Variants in NUFIP2 observed in about 807,000 individuals in gnomAD.
NUFIP2 encodes nuclear FMR1 interacting protein 2.
A neutral mutation model predicts 56.9 loss-of-function variants in NUFIP2; 6 were observed. That is an observed-to-expected ratio of 0.11 (90% CI 0.06 to 0.21). The LOEUF is 0.21. NUFIP2 is among the 10% of genes least tolerant of loss of function. The probability of loss-of-function intolerance (pLI) is 1.00; values close to 1 mark genes in which losing one functional copy is unlikely to be tolerated. For synonymous variants in NUFIP2, 321 were observed against 298.2 expected (o/e 1.08, Z -0.79); for missense variants, 828 against 826.8 (o/e 1.00, Z -0.02).
At chr17:29,266,576 T>C (rs1185871683) in intron 3 of NUFIP2, among the ~76,000 whole-genome samples, 2 of 151,964 alleles carry the variant, frequency 1.3e-5, no homozygotes, top group African/African-American at 4.8e-5. Context: ...TCAAAATGAA[T>C]AGGATACAAT....
chr17:29,290,469 A>T (rs2069204330), intron 1 of NUFIP2, among the ~76,000 whole-genome samples: 1 of 151,684 alleles, frequency 6.6e-6, no homozygotes, highest in African/African-American at 2.4e-5. Context: ...AGTCCGGCCA[A>T]CATGGTGAAG....
intron 1 of NUFIP2, among the ~76,000 whole-genome samples, chr17:29,293,074 G>A (rs2069228075): frequency 6.6e-6 from 1 of 151,720 alleles, no homozygotes; most frequent in Non-Finnish European, 1.5e-5. Flanking sequence ...ACAGGAAGCG[G>A]CCCCGCGAGG....
intron 2 of NUFIP2, among the ~76,000 whole-genome samples, chr17:29,282,499 GACTGTGAC>G (rs1319541598): frequency 2.0e-5 from 3 of 150,130 alleles, no homozygotes; most frequent in African/African-American, 7.4e-5. Flanking sequence ...AGTGAGCCAA[GACTGTGAC>G]ACTGCACTCC....
At chr17:29,291,049 A>G (rs552279434) in intron 1 of NUFIP2, among the ~76,000 whole-genome samples, 76 of 151,878 alleles carry the variant, frequency 5.0e-4, no homozygotes, top group Non-Finnish European at 7.9e-4. Context: ...AAAAAAAAAA[A>G]AAAAGAAAAG....
chr17:29,265,611 TTTTTATTATATATTA>T (rs1438757534), intron 3 of NUFIP2, among the ~76,000 whole-genome samples: 5 of 147,446 alleles, frequency 3.4e-5, no homozygotes, highest in Admixed American at 6.8e-5. Flanking sequence ...CAGGGAACTG[TTTTTATTATATATTA>T]TTTTATTATA....
At chr17:29,292,257 T>C (rs909247647) in intron 1 of NUFIP2, among the ~76,000 whole-genome samples, 22 of 152,100 alleles carry the variant, frequency 1.4e-4, no homozygotes, top group African/African-American at 5.3e-4. Flanking sequence ...GATGAGCCAC[T>C]TGGGTTCACC....
Position 29,263,426 on chromosome 17 carries a change from C to T in NUFIP2, c.*1113G>A, listed in dbSNP as rs1007394538. On this transcript the variant is annotated 3_prime_UTR_variant, in exon 4 of 4. Transcript: ENST00000225388. ...AAGTATAGTTTGCATGAAAACACAC[C>T]TTCTACAGTCAGGGTTTATTATCTT... 10 of 152,646 alleles carry T rather than the reference C, an allele frequency of 6.6e-5. No individual in the cohort carries two copies. The highest frequency in any genetic ancestry group is 3.4e-3 in the Middle Eastern group (1 of 294). The allele number at this position is 152,646 out of a possible 1,614,324, so 9.5% of individuals were successfully genotyped here. A position where few individuals can be genotyped will look rare whatever the true frequency, so the allele number is the denominator to read the frequency against.
intron 3 of NUFIP2, among the ~76,000 whole-genome samples, chr17:29,266,631 A>C (rs1019035397): frequency 2.0e-5 from 3 of 151,916 alleles, no homozygotes; most frequent in Non-Finnish European, 2.9e-5. Context: ...TATGAATTTC[A>C]ATTCTTAGGC....
At chr17:29,268,848 T>G (rs1302614821) in intron 2 of NUFIP2, among the ~76,000 whole-genome samples, 1 of 152,174 alleles carries the variant, frequency 6.6e-6, no homozygotes, top group Non-Finnish European at 1.5e-5. Context: ...CCTCTTATTT[T>G]ATCCTTTAAG....
At position 29,286,674 on chromosome 17, in the gene NUFIP2, A is replaced by G. The variant is rs755846919; in HGVS notation, c.1320T>C (p.Ala440=). The change falls in exon 2 of 4, where the codon GCT becomes GCC. Residue 440 remains alanine (A), a synonymous_variant. Transcript: ENST00000225388. ...CAGAAGAGATGGGTGTTAGAGTATT[A>G]GCAGCAGTAGTTAGCAGTGGCTGAC... The part of the protein sequence containing the change: ...PGGQPLLTTA[A]NTLTPISSGT... 6.2e-7 allele frequency: 1 copy of G among 1,614,176 alleles called. No individual in the cohort carries two copies. The highest frequency in any genetic ancestry group is 8.5e-7 in the Non-Finnish European group (1 of 1,180,014).
At position 29,286,123 on chromosome 17, in the gene NUFIP2, T is replaced by C. The variant is rs1383754923; in HGVS notation, c.1871A>G (p.Gln624Arg). The C allele has an allele frequency of 1.2e-6, 2 of 1,614,050 alleles. No homozygotes were observed. The highest frequency in any genetic ancestry group is 1.7e-6 in the Non-Finnish European group (2 of 1,180,010). ...GTTCGTAGGAGAGGCCAGAGGATTT[T>C]GACTTTCTATCTCGTAGTCCTTTGA... ...FLSKDYEIES[Q>R]NPLASPTNTL... Residue 624 changes from glutamine to arginine, a missense_variant, in exon 2 of 4, where the codon CAA becomes CGA. By Grantham distance (43) the Gln-to-Arg change is conservative. Around this residue, in one of 3 missense-constraint regions of NUFIP2, gnomAD observed 404 missense variants for 380.3 expected, o/e 1.06. Coordinates refer to ENST00000225388, the MANE Select transcript of NUFIP2 (RefSeq NM_020772.3).
At chr17:29,285,420 G>A (rs11653228) in intron 2 of NUFIP2, among the ~76,000 whole-genome samples, 16,962 of 151,824 alleles carry the variant, frequency 0.11, 1,072 homozygotes, top group East Asian at 0.3. Context: ...GTGAAACCCC[G>A]TCTCTACTAA....
chr17:29,284,796 T>G (rs2069162300), intron 2 of NUFIP2, among the ~76,000 whole-genome samples: 1 of 151,870 alleles, frequency 6.6e-6, no homozygotes, highest in African/African-American at 2.4e-5. Flanking sequence ...AACTTGGGCT[T>G]TAGGGCTATG....
Position 29,284,762 on chromosome 17 carries a change from T to C in NUFIP2, c.2002+1230A>G, listed in dbSNP as rs561732739. On this transcript the variant is annotated intron_variant, in intron 2 of 3. Transcript: ENST00000225388. ...GAAAAGAAAGTTATTAGCGTGAAAC[T>C]TGAAAGATACCTGGTTCCCTTTAAA... 3.3e-5 allele frequency among the ~76,000 whole-genome samples: 5 copies of C among 149,420 alleles called. No homozygotes were observed. The East Asian group carries it at 5.9e-4, about 18-fold the overall frequency.
intron 1 of NUFIP2, among the ~76,000 whole-genome samples, chr17:29,290,180 G>A (rs560044941): frequency 1.2e-3 from 175 of 151,912 alleles, no homozygotes; most frequent in African/African-American, 3.9e-3. Flanking sequence ...CCACCACACC[G>A]GCCTCTTAGA....
At chr17:29,266,403 A>C (rs2069036974) in intron 3 of NUFIP2, among the ~76,000 whole-genome samples, 1 of 152,018 alleles carries the variant, frequency 6.6e-6, no homozygotes, top group Non-Finnish European at 1.5e-5. Context: ...GTTTACAGGA[A>C]CCTCACTGGG....
At position 29,263,955 on chromosome 17, in the gene NUFIP2, T is replaced by C. The variant is rs1330564751; in HGVS notation, c.*584A>G. On this transcript the variant is annotated 3_prime_UTR_variant, in exon 4 of 4. Coordinates refer to ENST00000225388, the MANE Select transcript of NUFIP2 (RefSeq NM_020772.3). Reference sequence around the variant, plus strand: ...CTTAACTCCTGGCAAGACATGCAAATCATATTCGCTAAAAAAATACACCCT... The same window carrying C: ...CTTAACTCCTGGCAAGACATGCAAACCATATTCGCTAAAAAAATACACCCT... The C allele has an allele frequency of 6.6e-6, 1 of 152,462 alleles. No homozygotes were observed. Among genetic ancestry groups the C allele is most frequent in the Non-Finnish European group, 1.5e-5 (1 of 68,012 alleles). The allele number at this position is 152,462 out of a possible 1,614,324, so 9.4% of individuals were successfully genotyped here.
chr17:29,281,297 G>A (rs1016477773), intron 2 of NUFIP2, among the ~76,000 whole-genome samples: 10 of 151,944 alleles, frequency 6.6e-5, no homozygotes, highest in Admixed American at 1.3e-4. Flanking sequence ...ACGCCAGCCA[G>A]GGCGACAGTG....
Position 29,263,448 on chromosome 17 carries a change from T to C in NUFIP2, c.*1091A>G, listed in dbSNP as rs2069015613. 1 of 152,666 alleles carries C rather than the reference T, an allele frequency of 6.6e-6. No homozygotes were observed. The highest frequency in any genetic ancestry group is 2.1e-4 in the South Asian group (1 of 4,836). The allele number at this position is 152,666 out of a possible 1,614,324, so 9.5% of individuals were successfully genotyped here. ...CACCTTCTACAGTCAGGGTTTATTA[T>C]CTTCTCACTGGCTAAAAACATGAAA... On this transcript the variant is annotated 3_prime_UTR_variant, in exon 4 of 4. Transcript: ENST00000225388.
Sources: gnomAD v4.1 joint callset for allele counts (sites outside exome capture counted in the v4.1 genomes callset) on GRCh38, gnomAD v4.1.1 for gene constraint, gnomAD v4.1.1 regional missense constraint, MANE v1.5 for transcripts, NCBI Gene and HGNC (gene_info 2026-07-23, HGNC 2026-07-21) for gene names.